The following THBS2 variants were observed in gnomAD, a reference collection of about 807,000 sequenced individuals.
THBS2 encodes the protein thrombospondin-2.
THBS2 carries 47 observed loss-of-function variants against 135.2 expected under a neutral mutation model. The ratio of observed to expected loss-of-function variants is 0.35; its 90% confidence interval spans 0.28 to 0.44. The LOEUF (loss-of-function observed/expected upper bound fraction) is 0.44. Ranked by LOEUF, THBS2 falls within the 20% of genes least tolerant of loss-of-function variation. The probability of loss-of-function intolerance (pLI) is 1.00; values close to 1 mark genes in which losing one functional copy is unlikely to be tolerated. For missense variants in THBS2, 1,288 were observed against 1,603.1 expected, an observed-to-expected ratio of 0.80 and a Z score of 3.36; for synonymous variants, 639 against 633.8, an observed-to-expected ratio of 1.01 and a Z score of -0.12.
chr6:169,225,086 C>G lies in THBS2; in HGVS notation c.2773+59G>C, dbSNP rs1779573366. On this transcript the variant is annotated intron_variant, in intron 17 of 21. Transcript: ENST00000617924. ...GATCTCCGTGCATACATATCTCTGCCCTGGCGGGTTGCTCAGAAGCCATTT... is the reference window on the plus strand; with the variant it reads ...GATCTCCGTGCATACATATCTCTGCGCTGGCGGGTTGCTCAGAAGCCATTT... 2.0e-6 allele frequency: 3 copies of G among 1,532,182 alleles called. No homozygotes were observed. The South Asian group carries it at 3.4e-5, about 17-fold the overall frequency. The allele number at this position is 1,532,182 out of a possible 1,614,324, so 94.9% of individuals were successfully genotyped here.
intron 12 of THBS2, 67 bp downstream of exon 12, chr6:169,232,597 C>CT: frequency 6.5e-7 from 1 of 1,534,050 alleles, no homozygotes; most frequent in Non-Finnish European, 8.8e-7. Context: ...CCTCCTGCTG[C>CT]TTTTCTGAGC....
intron 9 of THBS2, among the ~76,000 whole-genome samples, chr6:169,235,186 T>C (rs958244324): frequency 5.9e-5 from 9 of 152,050 alleles, no homozygotes; most frequent in African/African-American, 1.9e-4. Context: ...CTCTTCTTTT[T>C]AATAAAAGAA....
At chr6:169,237,831 T>C (rs761732296) in intron 7 of THBS2, 36 bp from the exon 8 acceptor site, 1 of 1,593,908 alleles carries the variant, frequency 6.3e-7, no homozygotes, top group South Asian at 1.1e-5. Context: ...CATCAGGCCC[T>C]GCCTCACAGA....
At chr6:169,228,501 G>A (rs1779719420) in intron 14 of THBS2, among the ~76,000 whole-genome samples, 2 of 152,100 alleles carry the variant, frequency 1.3e-5, no homozygotes, top group East Asian at 1.9e-4. Context: ...GCCAGTCAGG[G>A]CAGGGCACGG....
chr6:169,220,111 T>C (rs936581946), intron 21 of THBS2, 87 bp downstream of exon 21: 3 of 1,514,902 alleles, frequency 2.0e-6, no homozygotes, highest in Non-Finnish European at 2.7e-6. Context: ...ATGTACAGCT[T>C]TTGTAAGTGG....
At chr6:169,247,333 T>C (rs1368500737) in intron 3 of THBS2, among the ~76,000 whole-genome samples, 1 of 152,242 alleles carries the variant, frequency 6.6e-6, no homozygotes, top group Non-Finnish European at 1.5e-5. Context: ...CCTGTGGCTC[T>C]GCATGCATTG....
intron 4 of THBS2, 150 bp from the exon 5 acceptor site, chr6:169,242,108 C>G: frequency 1.1e-6 from 1 of 875,536 alleles, no homozygotes; most frequent in South Asian, 1.8e-5. Context: ...CAGCAGAGGC[C>G]AGGACCACAG....
chr6:169,221,991 T>A (rs1779445797), intron 19 of THBS2, among the ~76,000 whole-genome samples: 1 of 152,246 alleles, frequency 6.6e-6, no homozygotes, highest in Non-Finnish European at 1.5e-5. Flanking sequence ...GATTAGCAAC[T>A]GTATTTAACT....
Position 169,232,989 on chromosome 6 carries a change from C to A in THBS2, c.1680G>T (p.Pro560=). The change falls in exon 11 of 22, where the codon CCG becomes CCT. Residue 560 remains proline (P), a synonymous_variant. Transcript: ENST00000617924. The stretch of plus-strand genomic sequence containing the variant: ...CGGGGAAGCTGCTGCACTGGGCTCC[C>A]GGGAAGCAGGGGTTGGATAAACAGC... ...VDGCLSNPCF[P]GAQCSSFPDG... 6.5e-7 allele frequency: 1 copy of A among 1,547,820 alleles called. No homozygotes were observed.
intron 18 of THBS2, among the ~76,000 whole-genome samples, chr6:169,222,781 C>A (rs946855490): frequency 4.5e-5 from 6 of 134,326 alleles, no homozygotes; most frequent in Admixed American, 3.2e-4. Context: ...GGGACAAGAG[C>A]AAGACTCCAT....
At chr6:169,226,400 C>A in intron 15 of THBS2, 102 bp from the exon 16 acceptor site, 1 of 754,734 alleles carries the variant, frequency 1.3e-6, no homozygotes, top group South Asian at 1.8e-5. Context: ...TTGCTTACAG[C>A]CACACTTCTA....
intron 12 of THBS2, 108 bp downstream of exon 12, chr6:169,232,556 C>A (rs11755960): frequency 0.15 from 226,866 of 1,502,756 alleles, 17,473 homozygotes; most frequent in Admixed American, 0.21. Flanking sequence ...TCCCATGCCT[C>A]TCCCGGGCCA....
chr6:169,233,569 A>G (rs1284793950), intron 10 of THBS2, among the ~76,000 whole-genome samples: 2 of 149,440 alleles, frequency 1.3e-5, no homozygotes, highest in East Asian at 4.0e-4. Context: ...CAGACCACAC[A>G]ACTACCCATG....
chr6:169,239,746 G>T, intron 6 of THBS2, 51 bp from the exon 7 acceptor site: 1 of 1,404,852 alleles, frequency 7.1e-7, no homozygotes, highest in Non-Finnish European at 9.9e-7. Context: ...AGGAGGGGAC[G>T]CTGGTACAAG....
chr6:169,234,064 T>C (rs918385781), intron 10 of THBS2, among the ~76,000 whole-genome samples: 1 of 150,100 alleles, frequency 6.7e-6, no homozygotes, highest in Non-Finnish European at 1.5e-5. Context: ...CCGCTGCCCA[T>C]GCACCATGTT....
At chr6:169,218,831 A>G (rs61726931) in intron 21 of THBS2, among the ~76,000 whole-genome samples, 1 of 75,364 alleles carries the variant, frequency 1.3e-5, no homozygotes, top group Non-Finnish European at 2.5e-5. Context: ...GGTGGCTGAG[A>G]TGGATGGATG....
chr6:169,240,950 C>T (rs1316293654), intron 5 of THBS2, among the ~76,000 whole-genome samples: 7 of 152,208 alleles, frequency 4.6e-5, no homozygotes, highest in Admixed American at 2.0e-4. Flanking sequence ...GCAGCCATAA[C>T]GACAGGCAGG....
At chr6:169,236,109 T>C (rs1583413596) in intron 9 of THBS2, among the ~76,000 whole-genome samples, 1 of 69,482 alleles carries the variant, frequency 1.4e-5, no homozygotes, top group Non-Finnish European at 2.7e-5. Flanking sequence ...TCACTCCCCA[T>C]CCACACTCAT....
rs767913746 is a variant in THBS2 at position 169,240,590 on chromosome 6, C to T, written c.894G>A (p.Ser298=). Residue 298 remains serine, a splice_region_variant and synonymous_variant, in exon 6 of 22, where the codon TCG becomes TCA. Coordinates refer to ENST00000617924, the MANE Select transcript of THBS2 (RefSeq NM_003247.5). ...NQLSENLKRV[S]NDNQFLWELI... is the part of the protein sequence containing the mutation. Reference sequence around the variant, plus strand: ...GCTCCCAGAGAAACTGGTTATCATTCGACTGGAAAATCAAGTGAAACATTT... The same window carrying T: ...GCTCCCAGAGAAACTGGTTATCATTTGACTGGAAAATCAAGTGAAACATTT... 52 of 1,613,328 alleles carry T rather than the reference C, an allele frequency of 3.2e-5. No individual in the cohort carries two copies. Among genetic ancestry groups the T allele is most frequent in the Non-Finnish European group, 4.0e-5 (47 of 1,179,644 alleles).
Sources: gnomAD v4.1 joint callset for allele counts (sites outside exome capture counted in the v4.1 genomes callset) on GRCh38, gnomAD v4.1.1 for gene constraint, MANE v1.5 for transcripts, NCBI Gene and HGNC (gene_info 2026-07-23, HGNC 2026-07-21) for gene names.